The following SYNE2 variants were observed in gnomAD, a reference collection of about 807,000 sequenced individuals.
SYNE2 encodes nesprin-2.
Under a neutral mutation model 856.3 loss-of-function variants are expected in SYNE2, and 431 were observed. The ratio of observed to expected loss-of-function variants is 0.50; its 90% confidence interval spans 0.47 to 0.55. The LOEUF is 0.55. SYNE2 is among the 20% of genes least tolerant of loss of function. The probability of loss-of-function intolerance (pLI) is 0.00; values close to 1 mark genes in which losing one functional copy is unlikely to be tolerated. For missense variants in SYNE2, 8,129 were observed against 8,023.2 expected (o/e 1.01, Z -0.50); for synonymous variants, 2,923 against 2,872.3 (o/e 1.02, Z -0.56).
intron 34 of SYNE2, among the ~76,000 whole-genome samples, chr14:64,018,007 A>C (rs2096906866): frequency 6.6e-6 from 1 of 152,180 alleles, no homozygotes; most frequent in African/African-American, 2.4e-5. Context: ...TACGTATCAC[A>C]AATTGTTTTT....
chr14:63,998,952 A>G lies in SYNE2; in HGVS notation c.3392A>G (p.Gln1131Arg). Residue 1131 changes from glutamine to arginine, a missense_variant, in exon 27 of 116, where the codon CAA becomes CGA. Physicochemically the swap from Gln to Arg is conservative, Grantham distance 43 (BLOSUM62 1). Transcript: ENST00000555002. The part of the protein sequence containing the change: ...TYRDILEHHL[Q>R]NNKFRITSDF... ...AGAGATATTCTTGAACACCACCTGC[A>G]AAACAACAAATTCAGGATTACTTCT... 6.2e-7 allele frequency: 1 copy of G among 1,614,134 alleles called. No homozygotes were observed. Among genetic ancestry groups the G allele is most frequent in the Non-Finnish European group, 8.5e-7 (1 of 1,179,990 alleles).
chr14:64,017,878 G>C (rs1475136489), intron 34 of SYNE2, 122 bp downstream of exon 34: 63 of 961,822 alleles, frequency 6.6e-5, no homozygotes, highest in Non-Finnish European at 9.0e-5. Flanking sequence ...GAAAATCACA[G>C]ACATTTTTGG....
intron 1 of SYNE2, among the ~76,000 whole-genome samples, chr14:63,782,665 G>C (rs1250842718): frequency 6.6e-6 from 1 of 151,744 alleles, no homozygotes; most frequent in Non-Finnish European, 1.5e-5. Flanking sequence ...AAATAAATAA[G>C]AAAGAAGAGA....
At chr14:63,813,166 A>G (rs1419317516) in intron 1 of SYNE2, among the ~76,000 whole-genome samples, 2 of 152,230 alleles carry the variant, frequency 1.3e-5, no homozygotes, top group Non-Finnish European at 2.9e-5. Context: ...AGGAAAGCCT[A>G]TAAAATCAAC....
intron 6 of SYNE2, among the ~76,000 whole-genome samples, chr14:63,944,064 T>A (rs1197245024): frequency 6.6e-6 from 1 of 151,762 alleles, no homozygotes; most frequent in African/African-American, 2.4e-5. Context: ...TATAGTTTTC[T>A]GGTATTTGAA....
chr14:63,897,415 C>A (rs1336519762), intron 1 of SYNE2, among the ~76,000 whole-genome samples: 3 of 152,218 alleles, frequency 2.0e-5, no homozygotes, highest in Admixed American at 6.5e-5. Flanking sequence ...GTCTTCACTT[C>A]TGCATGAATC....
intron 99 of SYNE2, among the ~76,000 whole-genome samples, chr14:64,197,867 A>G (rs1044957980): frequency 2.6e-5 from 4 of 152,212 alleles, no homozygotes; most frequent in African/African-American, 9.7e-5. Flanking sequence ...TGCTAGTTAA[A>G]AGAAAAACTT....
intron 1 of SYNE2, among the ~76,000 whole-genome samples, chr14:63,814,475 ATATATATCCT>A (rs374067288): frequency 3.0e-4 from 34 of 114,588 alleles, no homozygotes; most frequent in Admixed American, 4.1e-4. Context: ...ATCATATATA[ATATATATCCT>A]TATATATATC....
chr14:63,948,782 G>GTATGTATA, intron 6 of SYNE2, among the ~76,000 whole-genome samples: 1 of 43,900 alleles, frequency 2.3e-5, no homozygotes, highest in Admixed American at 2.8e-4. Flanking sequence ...ATGTGTGTGT[G>GTATGTATA]TATATATATA....
intron 34 of SYNE2, 85 bp downstream of exon 34, chr14:64,017,841 G>T (rs1406091555): frequency 7.4e-6 from 10 of 1,357,640 alleles, no homozygotes; most frequent in Non-Finnish European, 1.0e-5. Context: ...CAAACATTAG[G>T]ATGCTCATAT....
chr14:64,218,565 C>A, intron 109 of SYNE2, 53 bp downstream of exon 109: 1 of 1,551,224 alleles, frequency 6.4e-7, no homozygotes, highest in Non-Finnish European at 8.9e-7. Flanking sequence ...GTATTTAAGT[C>A]CTTGCTCAAG....
At chr14:63,789,949 A>G (rs1887673458) in intron 1 of SYNE2, among the ~76,000 whole-genome samples, 1 of 152,166 alleles carries the variant, frequency 6.6e-6, no homozygotes, top group African/African-American at 2.4e-5. Context: ...ACATTGAACT[A>G]GAAAGAAACT....
chr14:63,789,774 CAAAAA>C (rs34875863), intron 1 of SYNE2, among the ~76,000 whole-genome samples: 1 of 121,876 alleles, frequency 8.2e-6, no homozygotes, highest in African/African-American at 3.0e-5. Flanking sequence ...AGACTTGTCT[CAAAAA>C]AAAAAAAAGA....
chr14:63,985,229 C>T (rs1481529459), intron 18 of SYNE2, among the ~76,000 whole-genome samples: 2 of 149,854 alleles, frequency 1.3e-5, no homozygotes, highest in Non-Finnish European at 2.9e-5. Flanking sequence ...TCTTGGGAGG[C>T]TGAGGCAGGA....
intron 1 of SYNE2, among the ~76,000 whole-genome samples, chr14:63,894,083 T>G (rs2095200225): frequency 6.6e-6 from 1 of 152,198 alleles, no homozygotes; most frequent in African/African-American, 2.4e-5. Flanking sequence ...ATTTGTTTCT[T>G]TTCAGTTCTA....
At chr14:64,094,655 C>T (rs561168632) in intron 61 of SYNE2, among the ~76,000 whole-genome samples, 2 of 152,256 alleles carry the variant, frequency 1.3e-5, no homozygotes, top group African/African-American at 2.4e-5. Flanking sequence ...CAAGATGACA[C>T]AGCTGTTAAA....
intron 93 of SYNE2, among the ~76,000 whole-genome samples, chr14:64,169,374 A>G (rs369768628): frequency 1.4e-4 from 21 of 152,370 alleles, no homozygotes; most frequent in African/African-American, 3.1e-4. Context: ...GTAGGTAGCT[A>G]AATCCTATAA....
In SYNE2 at chr14:63,929,293, C is replaced by CT. The variant is rs150518574; in HGVS notation, c.80-11320dup. ...TGTGATGAAGCCTCCATAAAAATCTCTAAAGTGCAGAGCTAAAAAAATCTG... is the reference window on the plus strand; with the variant it reads ...TGTGATGAAGCCTCCATAAAAATCTCTTAAAGTGCAGAGCTAAAAAAATCTG... On this transcript the variant is annotated intron_variant, in intron 2 of 115. Transcript: ENST00000555002. 8.2e-3 allele frequency among the ~76,000 whole-genome samples: 1,249 copies of CT among 152,238 alleles called. 15 individuals are homozygous for CT. The highest frequency in any genetic ancestry group is 0.029 in the African/African-American group (1,188 of 41,532).
chr14:64,074,669 GC>G (rs2097442565), intron 53 of SYNE2, among the ~76,000 whole-genome samples: 2 of 152,162 alleles, frequency 1.3e-5, no homozygotes, highest in Non-Finnish European at 2.9e-5. Context: ...GTCCAGGCAG[GC>G]AGATCACTTG....
Sources: allele counts gnomAD v4.1 joint callset (sites outside exome capture counted in the v4.1 genomes callset), GRCh38; gene constraint gnomAD v4.1.1; transcripts MANE v1.5; gene names NCBI Gene and HGNC (gene_info 2026-07-23, HGNC 2026-07-21).